Variants in DMD observed in about 807,000 individuals in gnomAD.
DMD encodes the protein dystrophin, also known as mutant dystrophin.
Under a neutral mutation model 330.1 loss-of-function variants are expected in DMD, and 63 were observed. The ratio of observed to expected loss-of-function variants is 0.19; its 90% CI spans 0.16 to 0.24. DMD has a LOEUF of 0.24. DMD is among the 10% of genes least tolerant of loss of function. The probability of loss-of-function intolerance (pLI) is 1.00; values close to 1 mark genes in which losing one functional copy is unlikely to be tolerated. For missense variants in DMD, 3,344 were observed against 2,684.1 expected (o/e 1.25, Z -5.43); for synonymous variants, 1,223 against 959.8 (o/e 1.27, Z -5.07).
chrX:33,010,259 CAA>C lies in DMD; in HGVS notation c.93+9878_93+9879del, dbSNP rs756582832. 4.7e-4 allele frequency among the ~76,000 whole-genome samples: 41 copies of C among 86,344 alleles called. No individual in the cohort carries two copies. In the East Asian group the frequency reaches 0.013, roughly 27 times the overall value. The allele number at this position is 86,344 out of a possible 115,157, so 75.0% of individuals were successfully genotyped here. ...ATGTACATATGTGTGTATATATGTA[CAA>C]ATATGTGTGTATATGTACATATATG... On this transcript the variant is annotated intron_variant, in intron 2 of 78. Coordinates refer to ENST00000357033, the MANE Select transcript of DMD (RefSeq NM_004006.3).
chrX:32,684,016 CAT>C (rs1176136837), intron 9 of DMD, among the ~76,000 whole-genome samples: 3 of 76,118 alleles, frequency 3.9e-5, no homozygotes, highest in African/African-American at 2.9e-4. Flanking sequence ...CACACACATA[CAT>C]ACACACACAC....
chrX:31,463,587 T>C (rs1206540931), intron 59 of DMD, among the ~76,000 whole-genome samples: 3 of 112,067 alleles, frequency 2.7e-5, no homozygotes, highest in Non-Finnish European at 5.6e-5. Context: ...AGTAACAGAA[T>C]TGTGAACTTT....
intron 23 of DMD, among the ~76,000 whole-genome samples, chrX:32,467,841 G>A (rs1007786272): frequency 1.5e-4 from 16 of 109,594 alleles, no homozygotes; most frequent in African/African-American, 5.3e-4. Context: ...TAATAAATTT[G>A]TGTTGTTTGA....
intron 2 of DMD, among the ~76,000 whole-genome samples, chrX:32,907,167 C>G (rs2086795326): frequency 8.9e-6 from 1 of 111,898 alleles, no homozygotes; most frequent in Admixed American, 9.5e-5. Context: ...GAATAATTTT[C>G]TCACTGTGAT....
intron 43 of DMD, among the ~76,000 whole-genome samples, chrX:32,248,350 T>C (rs1201127557): frequency 8.9e-6 from 1 of 111,918 alleles, no homozygotes; most frequent in Non-Finnish European, 1.9e-5. Flanking sequence ...ATACAACTGT[T>C]GTTAAATAAA....
chrX:32,232,445 C>A (rs948905972), intron 43 of DMD, among the ~76,000 whole-genome samples: 2 of 111,149 alleles, frequency 1.8e-5, no homozygotes, highest in African/African-American at 6.5e-5. Flanking sequence ...CACTCCCTAG[C>A]CTGTATGTAA....
At chrX:32,009,325 C>T (rs756976750) in intron 44 of DMD, among the ~76,000 whole-genome samples, 20 of 111,735 alleles carry the variant, frequency 1.8e-4, no homozygotes, top group African/African-American at 5.5e-4. Flanking sequence ...CCCTTCATTA[C>T]AATCAGTGCG....
intron 12 of DMD, among the ~76,000 whole-genome samples, chrX:32,613,004 GAGAATTA>G (rs771520092): frequency 1.8e-5 from 2 of 111,485 alleles, no homozygotes; most frequent in African/African-American, 3.2e-5. Context: ...TATAAAAAGA[GAGAATTA>G]AGTTTGACAA....
rs1347114932 is a variant in DMD, at chrX:32,725,047, T to C, written c.650-25754A>G. ...CAGATAGTACTTAATAAATAGTCAT[T>C]GTTTGGTTGTATCTGTGTAACACAA... is the stretch of plus-strand genomic sequence containing the variant. On this transcript the variant is annotated intron_variant, in intron 7 of 78. Coordinates refer to ENST00000357033, the MANE Select transcript of DMD (RefSeq NM_004006.3). Among the ~76,000 whole-genome samples, 3 of 111,518 alleles carry C rather than the reference T, an allele frequency of 2.7e-5. No homozygotes were observed. In the Admixed American group the frequency reaches 2.9e-4, roughly 11 times the overall value.
At chrX:31,537,389 C>G (rs918457578) in intron 55 of DMD, among the ~76,000 whole-genome samples, 6 of 111,751 alleles carry the variant, frequency 5.4e-5, no homozygotes, top group African/African-American at 2.0e-4. Context: ...AGGCCCTCTT[C>G]TCATCTACGA....
At chrX:33,229,578 C>T (rs1448263547) in intron 1 of DMD, among the ~76,000 whole-genome samples, 4 of 111,522 alleles carry the variant, frequency 3.6e-5, no homozygotes, top group Non-Finnish European at 5.7e-5. Flanking sequence ...CATATTTGTG[C>T]GGGTCTATTT....
chrX:32,227,984 A>G (rs778510448), intron 43 of DMD, among the ~76,000 whole-genome samples: 115 of 111,046 alleles, frequency 1.0e-3, no homozygotes, highest in African/African-American at 3.6e-3. Context: ...ACAAAAATAC[A>G]TATACTTTAA....
At chrX:31,598,339 G>C (rs1410210132) in intron 55 of DMD, among the ~76,000 whole-genome samples, 1 of 110,971 alleles carries the variant, frequency 9.0e-6, no homozygotes, top group Non-Finnish European at 1.9e-5. Context: ...TCCCAGACTG[G>C]TCTCGAACTC....
At chrX:33,099,000 AT>A (rs2095208460) in intron 1 of DMD, among the ~76,000 whole-genome samples, 1 of 112,366 alleles carries the variant, frequency 8.9e-6, no homozygotes. Context: ...CTATGACCTA[AT>A]GCGTGCTTGG....
In DMD at chrX:31,824,335, C is replaced by T. The variant is rs1019879228; in HGVS notation, c.7201-4252G>A. Among the ~76,000 whole-genome samples, 5 of 110,379 alleles carry T rather than the reference C, an allele frequency of 4.5e-5. No homozygotes were observed. In the Admixed American group the frequency reaches 4.8e-4, roughly 11 times the overall value. ...CTGGAATGCAGTGGTGAGATCTTGG[C>T]TCACTGCAACCTTTGCCTCCTGGGT... is the stretch of plus-strand genomic sequence containing the variant. On this transcript the variant is annotated intron_variant, in intron 49 of 78. Coordinates refer to ENST00000357033, the MANE Select transcript of DMD (RefSeq NM_004006.3).
At chrX:33,136,873 G>A (rs1199621073) in intron 1 of DMD, among the ~76,000 whole-genome samples, 1 of 110,612 alleles carries the variant, frequency 9.0e-6, no homozygotes, top group African/African-American at 3.3e-5. Context: ...GAAGTACGAA[G>A]AATTACCATC....
chrX:32,204,976 A>ATCTCTCTCTCTCTCTCTCTCTCTC (rs200970973), intron 44 of DMD, among the ~76,000 whole-genome samples: 6 of 45,322 alleles, frequency 1.3e-4, no homozygotes, highest in African/African-American at 3.1e-4. Context: ...CATCCAAGCC[A>ATCTCTCTCTCTCTCTCTCTCTCTC]TCTCTCTCTC....
In DMD at chrX:32,025,216, T is replaced by C. The variant is rs2095838547; in HGVS notation, c.6439-56702A>G. ...TACTATTAAAACAGAAATCTTGCAT[T>C]TGACTTCGTATCACTTAAAAGCACT... On this transcript the variant is annotated intron_variant, in intron 44 of 78. Transcript: ENST00000357033. 3.6e-5 allele frequency among the ~76,000 whole-genome samples: 4 copies of C among 112,169 alleles called. No individual in the cohort carries two copies. The South Asian group carries it at 1.5e-3, about 41-fold the overall frequency.
At chrX:33,230,649 G>T (rs2052372195) in intron 1 of DMD, among the ~76,000 whole-genome samples, 1 of 110,720 alleles carries the variant, frequency 9.0e-6, no homozygotes, top group Admixed American at 9.7e-5. Context: ...TTTGTCTCCA[G>T]TAATTACCCA....
Sources: allele counts gnomAD v4.1 joint callset (sites outside exome capture counted in the v4.1 genomes callset), GRCh38; gene constraint gnomAD v4.1.1; transcripts MANE v1.5; gene names NCBI Gene and HGNC (gene_info 2026-07-23, HGNC 2026-07-21).